MYH13: variants seen among roughly 807,000 people sequenced by gnomAD.
The protein encoded by MYH13 is myosin heavy chain 13, also known as myosin-13.
Under a neutral mutation model 232.1 loss-of-function variants are expected in MYH13, and 177 were observed. The ratio of observed to expected loss-of-function variants is 0.76; its 90% confidence interval spans 0.67 to 0.86. The LOEUF (loss-of-function observed/expected upper bound fraction) is 0.86, where lower values mean the gene tolerates loss of function less well. Ranked by LOEUF, MYH13 falls within the 40% of genes least tolerant of loss-of-function variation. The probability of loss-of-function intolerance (pLI) is 0.00; values close to 1 mark genes in which losing one functional copy is unlikely to be tolerated. For synonymous variants in MYH13, 884 were observed against 923.5 expected (o/e 0.96, Z 0.78); for missense variants, 2,246 against 2,405.9 (o/e 0.93, Z 1.39).
rs1341098503 is a variant in MYH13, at chr17:10,309,768, T to C, written c.4719A>G (p.Lys1573=). Residue 1573 remains lysine, a synonymous_variant, in exon 34 of 41, where the codon AAA becomes AAG. Transcript: ENST00000252172. ...LRVQLELSQV[K]SELDRKVIEK... is the part of the protein sequence containing the mutation. ...CAATGACCTTGCGGTCTAGCTCGGA[T>C]TTCACCTGGCTCAGCTCTAGCTGCA... is the stretch of plus-strand genomic sequence containing the variant. 5.0e-6 allele frequency: 8 copies of C among 1,601,176 alleles called. No individual in the cohort carries two copies. The highest frequency in any genetic ancestry group is 6.8e-6 in the Non-Finnish European group (8 of 1,173,718).
In MYH13 at chr17:10,350,628, C is replaced by G; in HGVS notation, c.1072G>C (p.Val358Leu). ...AACTTCATGTTCCCATAATGCATCA[C>G]GGCTCCCGTCAGTTTGTAGATCCCG... ...KVGIYKLTGA[V>L]MHYGNMKFKQ... is the part of the protein sequence containing the mutation. The change falls in exon 12 of 41, where the codon GTG becomes CTG. Residue 358 changes from valine to leucine, a missense_variant. By Grantham distance (32) the Val-to-Leu change is conservative (BLOSUM62 1). Transcript: ENST00000252172. 6.2e-7 allele frequency: 1 copy of G among 1,613,816 alleles called. No individual in the cohort carries two copies. The highest frequency in any genetic ancestry group is 8.5e-7 in the Non-Finnish European group (1 of 1,179,966).
intron 11 of MYH13, among the ~76,000 whole-genome samples, chr17:10,353,664 A>G (rs2071726705): frequency 6.6e-6 from 1 of 152,148 alleles, no homozygotes; most frequent in Non-Finnish European, 1.5e-5. Context: ...CAGGAGTTTG[A>G]GACCAGCCTG....
Position 10,309,749 on chromosome 17 carries a change from C to A in MYH13, c.4738G>T (p.Val1580Phe), listed in dbSNP as rs1386523136. 2 of 1,601,928 alleles carry A rather than the reference C, an allele frequency of 1.2e-6. No homozygotes were observed. The highest frequency in any genetic ancestry group is 1.7e-5 in the Admixed American group (1 of 58,236). The change falls in exon 34 of 41, where the codon GTC becomes TTC. Residue 1580 changes from valine (V) to phenylalanine (F), a missense_variant. Coordinates refer to ENST00000252172, the MANE Select transcript of MYH13 (RefSeq NM_003802.3). Reference sequence around the variant, plus strand: ...TCGATTTCTTCATCCTTCTCAATGACCTTGCGGTCTAGCTCGGATTTCACC... The same window carrying A: ...TCGATTTCTTCATCCTTCTCAATGAACTTGCGGTCTAGCTCGGATTTCACC... ...SQVKSELDRKVIEKDEEIEQL... is the reference protein window; with the variant it reads ...SQVKSELDRKFIEKDEEIEQL...
At chr17:10,322,359 C>T (rs961885650) in intron 23 of MYH13, among the ~76,000 whole-genome samples, 2 of 152,128 alleles carry the variant, frequency 1.3e-5, no homozygotes, top group Admixed American at 6.5e-5. Context: ...GATTGCACCA[C>T]TGCACTCTAG....
At chr17:10,338,689 G>GTTTTTTTTTT (rs757791680) in intron 18 of MYH13, among the ~76,000 whole-genome samples, 11 of 108,806 alleles carry the variant, frequency 1.0e-4, no homozygotes, top group Admixed American at 1.8e-4. Flanking sequence ...TTTTATCCTT[G>GTTTTTTTTTT]TTTTTTTTTT....
At chr17:10,316,082 A>G (rs1906701539) in intron 27 of MYH13, 57 bp from the exon 28 acceptor site, 1 of 1,585,210 alleles carries the variant, frequency 6.3e-7, no homozygotes, top group Non-Finnish European at 8.7e-7. Context: ...AGTGCCCAGC[A>G]TTGAACTGAA....
At chr17:10,313,672 T>A (rs1906601333) in intron 29 of MYH13, among the ~76,000 whole-genome samples, 1 of 152,228 alleles carries the variant, frequency 6.6e-6, no homozygotes, top group Admixed American at 6.5e-5. Context: ...TACTGTTGCC[T>A]GCTGGGACTC....
Position 10,319,014 on chromosome 17 carries a change from C to G in MYH13, c.3514G>C (p.Glu1172Gln). The change falls in exon 27 of 41, where the codon GAG becomes CAG. Residue 1172 changes from glutamate (E) to glutamine (Q), a missense_variant. Coordinates refer to ENST00000252172, the MANE Select transcript of MYH13 (RefSeq NM_003802.3). ...SAQIEMNKKR[E>Q]AEFQKMRRDL... Reference sequence around the variant, plus strand: ...CTGCGCATTTTCTGGAACTCAGCCTCCCTCTTCTTGTTCATCTCAATCTGG... The same window carrying G: ...CTGCGCATTTTCTGGAACTCAGCCTGCCTCTTCTTGTTCATCTCAATCTGG... 1 of 1,614,172 alleles carries G rather than the reference C, an allele frequency of 6.2e-7. No individual in the cohort carries two copies. Among genetic ancestry groups the G allele is most frequent in the Non-Finnish European group, 8.5e-7 (1 of 1,180,044 alleles).
chr17:10,342,414 T>G (rs2071625319), intron 16 of MYH13, among the ~76,000 whole-genome samples: 1 of 152,112 alleles, frequency 6.6e-6, no homozygotes, highest in African/African-American at 2.4e-5. Context: ...TTGAACACAG[T>G]TATCATATGA....
rs200502786 is a variant in MYH13 at position 10,362,225 on chromosome 17, G to A, written c.398C>T (p.Pro133Leu). Residue 133 changes from proline to leucine, a missense_variant, in exon 5 of 41, where the codon CCG (proline) becomes CTG (leucine). Coordinates refer to ENST00000252172, the MANE Select transcript of MYH13 (RefSeq NM_003802.3). ...AGCCACCACCTCGGGCTTGTACACCGGCAGCCACTTGTAGGGGTTGACGGT... is the reference window on the plus strand; with the variant it reads ...AGCCACCACCTCGGGCTTGTACACCAGCAGCCACTTGTAGGGGTTGACGGT... ...CVTVNPYKWL[P>L]VYKPEVVAAY... The A allele has an allele frequency of 4.0e-4, 653 of 1,613,704 alleles. No individual in the cohort carries two copies. The highest frequency in any genetic ancestry group is 5.0e-4 in the Non-Finnish European group (590 of 1,179,772).
At position 10,362,211 on chromosome 17, in the gene MYH13, C is replaced by T. The variant is rs753064696; in HGVS notation, c.412G>A (p.Glu138Lys). 3.1e-6 allele frequency: 5 copies of T among 1,613,854 alleles called. No homozygotes were observed. Among genetic ancestry groups the T allele is most frequent in the East Asian group, 4.5e-5 (2 of 44,880 alleles). Residue 138 changes from glutamate (E) to lysine (K), a missense_variant, in exon 5 of 41, where the codon GAG becomes AAG. Glu to Lys is a moderately conservative substitution (Grantham distance 56). Transcript: ENST00000252172. The stretch of plus-strand genomic sequence containing the variant: ...TTGCCTCTGTAGGCAGCCACCACCT[C>T]GGGCTTGTACACCGGCAGCCACTTG... ...PYKWLPVYKP[E>K]VVAAYRGKKR...
chr17:10,309,089 T>C, intron 35 of MYH13, 145 bp downstream of exon 35: 2 of 740,742 alleles, frequency 2.7e-6, no homozygotes, highest in South Asian at 2.1e-5. Context: ...AGAAAATTTG[T>C]CTTGACCACT....
chr17:10,314,778 A>G (rs1319503233), intron 29 of MYH13, among the ~76,000 whole-genome samples: 3 of 152,208 alleles, frequency 2.0e-5, no homozygotes, highest in African/African-American at 4.8e-5. Flanking sequence ...TGGCAGCACC[A>G]AGTACCTACT....
intron 39 of MYH13, among the ~76,000 whole-genome samples, 171 bp downstream of exon 39, chr17:10,303,025 G>A (rs532830870): frequency 6.6e-6 from 1 of 152,138 alleles, no homozygotes; most frequent in African/African-American, 2.4e-5. Flanking sequence ...GGTCGTGAAG[G>A]CTTAACATGG....
chr17:10,326,479 T>C (rs1907199829), intron 22 of MYH13, among the ~76,000 whole-genome samples: 2 of 152,020 alleles, frequency 1.3e-5, no homozygotes, highest in African/African-American at 4.8e-5. Context: ...CTTTCTTTTT[T>C]CTTTTTTTTT....
rs202238174 is a variant in MYH13 at position 10,327,760 on chromosome 17, G to A, written c.2691+106C>T. 8 of 1,392,546 alleles carry A rather than the reference G, an allele frequency of 5.7e-6. No homozygotes were observed. In the East Asian group the frequency reaches 1.2e-4, roughly 20 times the overall value. 86.3% of individuals were successfully genotyped at this position (1,392,546 alleles called of 1,614,324 possible). A position where few individuals can be genotyped will look rare whatever the true frequency, so the allele number is the denominator to read the frequency against. The stretch of plus-strand genomic sequence containing the variant: ...GCAATACTCCACATGACCACTGGGT[G>A]GCACCACTGTCTCTCGAATAGACAC... On this transcript the variant is annotated intron_variant, in intron 22 of 40. Transcript: ENST00000252172.
intron 2 of MYH13, among the ~76,000 whole-genome samples, chr17:10,366,398 T>TTTTTTTTTTTTTTTTGTTG (rs2071838377): frequency 6.7e-6 from 1 of 149,896 alleles, no homozygotes; most frequent in Admixed American, 6.7e-5. Flanking sequence ...TTTTTTTTTT[T>TTTTTTTTTTTTTTTTGTTG]GAGATGGAGT....
chr17:10,354,492 C>A (rs2071733318), intron 11 of MYH13, among the ~76,000 whole-genome samples, 188 bp downstream of exon 11: 1 of 152,136 alleles, frequency 6.6e-6, no homozygotes, highest in South Asian at 2.1e-4. Flanking sequence ...TTTTGGAATG[C>A]TGTGAGGTGG....
intron 7 of MYH13, among the ~76,000 whole-genome samples, chr17:10,358,238 C>T (rs1021384332): frequency 6.6e-6 from 1 of 152,100 alleles, no homozygotes; most frequent in African/African-American, 2.4e-5. Context: ...GCAAAGCAAG[C>T]GACCCAGGGG....
Sources: gnomAD v4.1 joint callset for allele counts (sites outside exome capture counted in the v4.1 genomes callset) on GRCh38, gnomAD v4.1.1 for gene constraint, MANE v1.5 for transcripts, NCBI Gene and HGNC (gene_info 2026-07-23, HGNC 2026-07-21) for gene names.